PTPRM: variants seen among roughly 807,000 people sequenced by gnomAD.
PTPRM encodes receptor-type tyrosine-protein phosphatase mu.
Under a neutral mutation model 186.7 loss-of-function variants are expected in PTPRM, and 47 were observed. The ratio of observed to expected loss-of-function variants is 0.25; its 90% CI spans 0.20 to 0.32. The LOEUF (loss-of-function observed/expected upper bound fraction) is 0.32, where lower values mean the gene tolerates loss of function less well. Ranked by LOEUF, PTPRM falls within the 10% of genes least tolerant of loss-of-function variation. PTPRM has a pLI of 1.00. For synonymous variants in PTPRM, 668 were observed against 674.9 expected (o/e 0.99, Z 0.16); for missense variants, 1,494 against 1,865.0 (o/e 0.80, Z 3.66).
intron 18 of PTPRM, among the ~76,000 whole-genome samples, chr18:8,252,940 C>A (rs2094541537): frequency 6.6e-6 from 1 of 152,186 alleles, no homozygotes; most frequent in African/African-American, 2.4e-5. Context: ...TTGAAACTTT[C>A]ACAAACTTTA....
chr18:7,940,780 T>C (rs2146954592), intron 5 of PTPRM, among the ~76,000 whole-genome samples: 1 of 152,180 alleles, frequency 6.6e-6, no homozygotes, highest in Non-Finnish European at 1.5e-5. Context: ...CCCATTTTTG[T>C]AATTCATTTG....
At chr18:7,676,702 C>T (rs1270303807) in intron 1 of PTPRM, among the ~76,000 whole-genome samples, 1 of 151,702 alleles carries the variant, frequency 6.6e-6, no homozygotes, top group Non-Finnish European at 1.5e-5. Context: ...CGTGCACGCG[C>T]ACGCGCATGG....
At chr18:8,044,199 A>G (rs1167245129) in intron 7 of PTPRM, among the ~76,000 whole-genome samples, 1 of 152,210 alleles carries the variant, frequency 6.6e-6, no homozygotes, top group Admixed American at 6.5e-5. Flanking sequence ...GGGGCCTGAC[A>G]AGAGTTTGTT....
intron 2 of PTPRM, among the ~76,000 whole-genome samples, chr18:7,777,213 G>T (rs1265536999): frequency 2.0e-5 from 3 of 152,146 alleles, no homozygotes; most frequent in African/African-American, 2.4e-5. Context: ...TATGTATATA[G>T]GTTGGTTCCG....
chr18:8,243,634 A>G (rs1267618770), intron 14 of PTPRM, among the ~76,000 whole-genome samples: 1 of 152,198 alleles, frequency 6.6e-6, no homozygotes, highest in African/African-American at 2.4e-5. Flanking sequence ...TTGCTTGGAA[A>G]ATATTTACTC....
At chr18:7,795,580 G>C (rs919237634) in intron 2 of PTPRM, among the ~76,000 whole-genome samples, 3 of 152,024 alleles carry the variant, frequency 2.0e-5, no homozygotes, top group Non-Finnish European at 2.9e-5. Flanking sequence ...TCAGTTTACA[G>C]AGGAGTTGAG....
At chr18:8,383,638 C>CT (rs1367177526) in intron 29 of PTPRM, among the ~76,000 whole-genome samples, 1 of 152,114 alleles carries the variant, frequency 6.6e-6, no homozygotes, top group African/African-American at 2.4e-5. Context: ...TAGGAAATTG[C>CT]TTTTTTAATT....
intron 7 of PTPRM, among the ~76,000 whole-genome samples, chr18:7,981,898 A>G (rs1256890979): frequency 1.3e-5 from 2 of 152,182 alleles, no homozygotes; most frequent in African/African-American, 4.8e-5. Context: ...CAGTAAAAAT[A>G]TGATATTGAA....
intron 5 of PTPRM, chr18:7,947,126 G>GTT (rs1443484567): frequency 4.9e-6 from 2 of 406,096 alleles, no homozygotes; most frequent in Non-Finnish European, 9.8e-6. Context: ...TCAGTCTCAG[G>GTT]TTTATCAGTA....
chr18:7,811,231 C>A (rs771944389), intron 2 of PTPRM, among the ~76,000 whole-genome samples: 24 of 152,176 alleles, frequency 1.6e-4, no homozygotes, highest in Non-Finnish European at 3.2e-4. Context: ...TCAGAGACAC[C>A]CTTTTACTGA....
At chr18:8,145,507 G>T (rs763177960) in intron 14 of PTPRM, among the ~76,000 whole-genome samples, 46 of 152,140 alleles carry the variant, frequency 3.0e-4, no homozygotes, top group Non-Finnish European at 5.9e-4. Context: ...AGGGTGTGAT[G>T]TTCCCCTCCC....
intron 2 of PTPRM, among the ~76,000 whole-genome samples, chr18:7,824,165 C>T (rs539823878): frequency 1.3e-4 from 20 of 152,178 alleles, no homozygotes; most frequent in Non-Finnish European, 2.6e-4. Flanking sequence ...TCTAGTACCC[C>T]GAAGGTCAGA....
intron 1 of PTPRM, among the ~76,000 whole-genome samples, chr18:7,678,894 T>C (rs951340523): frequency 3.9e-5 from 6 of 152,210 alleles, no homozygotes; most frequent in African/African-American, 1.4e-4. Flanking sequence ...TCTGTATGCA[T>C]GTATCCGTAT....
chr18:7,746,863 G>T (rs1057436548), intron 1 of PTPRM, among the ~76,000 whole-genome samples: 5 of 152,168 alleles, frequency 3.3e-5, no homozygotes, highest in Non-Finnish European at 7.3e-5. Flanking sequence ...TCTGTGGCCA[G>T]CTTGCTCTCT....
At chr18:8,231,322 G>A (rs6506559) in intron 14 of PTPRM, among the ~76,000 whole-genome samples, 104,718 of 151,942 alleles carry the variant, frequency 0.69, 37,309 homozygotes, top group African/African-American at 0.85. Flanking sequence ...ACCCATGGCA[G>A]ACGGGCCCAT....
At chr18:7,869,128 TG>T (rs1299827904) in intron 2 of PTPRM, among the ~76,000 whole-genome samples, 1 of 152,222 alleles carries the variant, frequency 6.6e-6, no homozygotes, top group Non-Finnish European at 1.5e-5. Flanking sequence ...CTTAGCTTGC[TG>T]GGCTCCGTGG....
intron 19 of PTPRM, among the ~76,000 whole-genome samples, chr18:8,258,485 C>T (rs906149140): frequency 2.0e-5 from 3 of 152,194 alleles, no homozygotes; most frequent in East Asian, 3.9e-4. Flanking sequence ...TCAGGTCCAA[C>T]GTTGTGGTGA....
chr18:8,327,018 C>A (rs184741863), intron 22 of PTPRM, among the ~76,000 whole-genome samples: 13 of 152,264 alleles, frequency 8.5e-5, no homozygotes, highest in Admixed American at 4.6e-4. Flanking sequence ...GTTCACATTT[C>A]AAAATGTAAG....
intron 14 of PTPRM, among the ~76,000 whole-genome samples, chr18:8,215,727 T>C (rs1178903291): frequency 6.6e-6 from 1 of 151,844 alleles, no homozygotes; most frequent in Non-Finnish European, 1.5e-5. Flanking sequence ...CGTTCATTTT[T>C]TGTAGAGACC....
Sources: gnomAD v4.1 joint callset for allele counts (sites outside exome capture counted in the v4.1 genomes callset) on GRCh38, gnomAD v4.1.1 for gene constraint, MANE v1.5 for transcripts, NCBI Gene and HGNC (gene_info 2026-07-23, HGNC 2026-07-21) for gene names.